SMYD1: variants seen among roughly 807,000 people sequenced by gnomAD.
SMYD1 encodes the protein SET and MYND domain containing 1, also known as histone-lysine N-methyltransferase SMYD1.
In SMYD1, 49 loss-of-function variants were observed where a neutral mutation model predicts 54.0. That is an observed-to-expected ratio of 0.91 (90% CI 0.72 to 1.15). SMYD1 has a LOEUF of 1.15. SMYD1 is among the 50% of genes most tolerant of loss of function. SMYD1 has a pLI of 0.00. For synonymous variants in SMYD1, 269 were observed against 234.2 expected, an observed-to-expected ratio of 1.15 and a Z score of -1.36; for missense variants, 653 against 639.6, an observed-to-expected ratio of 1.02 and a Z score of -0.23.
chr2:88,089,005 C>T (rs370806489), intron 3 of SMYD1, among the ~76,000 whole-genome samples: 17 of 152,174 alleles, frequency 1.1e-4, no homozygotes, highest in Admixed American at 5.9e-4. Flanking sequence ...ACTGACATCT[C>T]TCCAGTCTTC....
intron 7 of SMYD1, among the ~76,000 whole-genome samples, chr2:88,105,724 G>A (rs1002828833): frequency 4.6e-5 from 7 of 152,148 alleles, no homozygotes; most frequent in African/African-American, 1.7e-4. Flanking sequence ...GATTGCCTGA[G>A]CTCAGGAGTT....
At chr2:88,090,718 A>G (rs1674442115) in intron 3 of SMYD1, among the ~76,000 whole-genome samples, 2 of 152,180 alleles carry the variant, frequency 1.3e-5, no homozygotes, top group Admixed American at 1.3e-4. Context: ...CTCATGTAAG[A>G]CCCAGATACA....
intron 6 of SMYD1, among the ~76,000 whole-genome samples, chr2:88,097,235 G>T (rs1674610770): frequency 6.6e-6 from 1 of 152,152 alleles, no homozygotes; most frequent in Non-Finnish European, 1.5e-5. Context: ...TAGTCCCATG[G>T]GGATGGGCAG....
At chr2:88,069,313 C>A (rs1413404722) in intron 1 of SMYD1, among the ~76,000 whole-genome samples, 1 of 152,164 alleles carries the variant, frequency 6.6e-6, no homozygotes, top group South Asian at 2.1e-4. Context: ...TGTCTTCCTG[C>A]CCACTAAGAC....
intron 8 of SMYD1, among the ~76,000 whole-genome samples, chr2:88,108,115 G>T (rs1440206744): frequency 6.6e-6 from 1 of 152,218 alleles, no homozygotes; most frequent in Admixed American, 6.5e-5. Flanking sequence ...TATGATCCTG[G>T]TCCCTTTTTC....
At chr2:88,107,999 T>C (rs1400026790) in intron 8 of SMYD1, among the ~76,000 whole-genome samples, 6 of 152,210 alleles carry the variant, frequency 3.9e-5, no homozygotes, top group African/African-American at 1.4e-4. Context: ...GGTACCTCAG[T>C]TGAAAATGCA....
intron 1 of SMYD1, among the ~76,000 whole-genome samples, chr2:88,077,846 C>A (rs951917659): frequency 1.9e-4 from 29 of 151,722 alleles, no homozygotes; most frequent in Admixed American, 3.9e-4. Context: ...GCCTCAGCCT[C>A]CCTAGTAACT....
rs1674869207 is a variant in SMYD1 at position 88,106,381 on chromosome 2, C to A, written c.1038C>A (p.Thr346=). 1 of 1,614,044 alleles carries A rather than the reference C, an allele frequency of 6.2e-7. No homozygotes were observed. ...AGCAGGAGCCAGTGTTTGCTGACAC[C>A]AACATCTACATGCTGCGGATGCTGA... ...LEKQEPVFAD[T]NIYMLRMLSI... The change falls in exon 8 of 10, where the codon ACC becomes ACA. Residue 346 remains threonine (T), a synonymous_variant. Transcript: ENST00000419482.
intron 7 of SMYD1, among the ~76,000 whole-genome samples, chr2:88,106,097 C>T (rs1674861666): frequency 6.6e-6 from 1 of 152,212 alleles, no homozygotes; most frequent in Admixed American, 6.5e-5. Context: ...AAACTCCTCG[C>T]TGTGCTGCAT....
At chr2:88,091,268 AC>A (rs1424229156) in intron 4 of SMYD1, 126 bp downstream of exon 4, 5 of 1,008,502 alleles carry the variant, frequency 5.0e-6, no homozygotes, top group African/African-American at 1.6e-5. Context: ...AATGTATAGC[AC>A]ATAGAAATCT....
rs1675038311 is a variant in SMYD1 at position 88,112,109 on chromosome 2, A to G, written c.*1597A>G. The G allele has an allele frequency of 1.4e-6, 1 of 703,406 alleles. No homozygotes were observed. Among genetic ancestry groups the G allele is most frequent in the Non-Finnish European group, 2.6e-6 (1 of 385,094 alleles). The allele number at this position is 703,406 out of a possible 1,614,324, so 43.6% of individuals were successfully genotyped here. A position where few individuals can be genotyped will look rare whatever the true frequency, so the allele number is the denominator to read the frequency against. ...GAATTTCCTTTCTGGAAGGTTTTACAAGAAGACTGATAGTCTTTCAAGCCC... is the reference window on the plus strand; with the variant it reads ...GAATTTCCTTTCTGGAAGGTTTTACGAGAAGACTGATAGTCTTTCAAGCCC... On this transcript the variant is annotated 3_prime_UTR_variant, in exon 10 of 10. Transcript: ENST00000419482.
rs1295046497 is a variant in SMYD1 at position 88,112,131 on chromosome 2, G to A, written c.*1619G>A. ...TACAAGAAGACTGATAGTCTTTCAA[G>A]CCCCCACATCACAGGCTTAGGGACG... is the stretch of plus-strand genomic sequence containing the variant. On this transcript the variant is annotated 3_prime_UTR_variant, in exon 10 of 10. Coordinates refer to ENST00000419482, the MANE Select transcript of SMYD1 (RefSeq NM_198274.4). 1 of 703,242 alleles carries A rather than the reference G, an allele frequency of 1.4e-6. No individual in the cohort carries two copies. The highest frequency in any genetic ancestry group is 2.6e-6 in the Non-Finnish European group (1 of 385,090). The allele number at this position is 703,242 out of a possible 1,614,324, so 43.6% of individuals were successfully genotyped here. A position where few individuals can be genotyped will look rare whatever the true frequency, so the allele number is the denominator to read the frequency against.
At chr2:88,079,524 G>C (rs1016126520) in intron 1 of SMYD1, among the ~76,000 whole-genome samples, 2 of 152,096 alleles carry the variant, frequency 1.3e-5, no homozygotes, top group Non-Finnish European at 2.9e-5. Context: ...TCTGCAATAA[G>C]GTCACTGAGT....
At chr2:88,102,074 A>G (rs1674734324) in intron 6 of SMYD1, among the ~76,000 whole-genome samples, 1 of 151,330 alleles carries the variant, frequency 6.6e-6, no homozygotes, top group Non-Finnish European at 1.5e-5. Flanking sequence ...TTTTTTTTTT[A>G]ACCATACTTT....
In SMYD1 at chr2:88,081,147, C is replaced by T. The variant is rs1674181634; in HGVS notation, c.138-3169C>T. 9.2e-5 allele frequency among the ~76,000 whole-genome samples: 14 copies of T among 152,154 alleles called. 1 individual carries two copies. The highest frequency in any genetic ancestry group is 9.2e-4 in the Admixed American group (14 of 15,270). On this transcript the variant is annotated intron_variant, in intron 1 of 9. Coordinates refer to ENST00000419482, the MANE Select transcript of SMYD1 (RefSeq NM_198274.4). ...TGAACTCCTGACCTCAGATGATCCA[C>T]CTGCCTTGGCCTCCCAAAGTGCTGG...
At chr2:88,097,574 G>A (rs1224944901) in intron 6 of SMYD1, among the ~76,000 whole-genome samples, 1 of 152,166 alleles carries the variant, frequency 6.6e-6, no homozygotes, top group Non-Finnish European at 1.5e-5. Context: ...CAGGCATGGA[G>A]GCGTCTCACA....
intron 1 of SMYD1, among the ~76,000 whole-genome samples, chr2:88,079,821 A>G (rs1207125421): frequency 6.6e-6 from 1 of 152,176 alleles, no homozygotes; most frequent in Non-Finnish European, 1.5e-5. Flanking sequence ...ACTCCATCTC[A>G]AAAGAAAAAA....
intron 5 of SMYD1, among the ~76,000 whole-genome samples, chr2:88,093,861 T>A (rs564992711): frequency 9.8e-4 from 150 of 152,312 alleles, no homozygotes; most frequent in African/African-American, 3.5e-3. Context: ...AAGCCTATCT[T>A]GTCTCCCTAA....
chr2:88,097,691 G>C lies in SMYD1; in HGVS notation c.888+907G>C, dbSNP rs185789134. 2.0e-5 allele frequency among the ~76,000 whole-genome samples: 3 copies of C among 152,280 alleles called. No individual in the cohort carries two copies. In the East Asian group the frequency reaches 5.8e-4, roughly 29 times the overall value. ...ACATCTGCAATGACCCTATTGCCAA[G>C]TAAGATTTCATTTTGAGGTAGCTTC... On this transcript the variant is annotated intron_variant, in intron 6 of 9. Coordinates refer to ENST00000419482, the MANE Select transcript of SMYD1 (RefSeq NM_198274.4).
Sources: allele counts gnomAD v4.1 joint callset (sites outside exome capture counted in the v4.1 genomes callset), GRCh38; gene constraint gnomAD v4.1.1; transcripts MANE v1.5; gene names NCBI Gene and HGNC (gene_info 2026-07-23, HGNC 2026-07-21).